MYO5C: variants seen among roughly 807,000 people sequenced by gnomAD.
The protein encoded by MYO5C is unconventional myosin-Vc.
In MYO5C, 194 loss-of-function variants were observed where a neutral mutation model predicts 235.7. The observed-to-expected ratio is 0.82, with a 90% CI of 0.73 to 0.93. MYO5C has a LOEUF of 0.93. Among genes scored for constraint, MYO5C ranks in the 40% least tolerant of loss-of-function variants. The pLI, the probability that MYO5C is intolerant of heterozygous loss-of-function variation, is 0.00. For missense variants in MYO5C, 2,038 were observed against 2,127.2 expected, an observed-to-expected ratio of 0.96 and a Z score of 0.82; for synonymous variants, 707 against 754.8, an observed-to-expected ratio of 0.94 and a Z score of 1.04.
At chr15:52,255,652 G>C (rs1054715420) in intron 11 of MYO5C, among the ~76,000 whole-genome samples, 4 of 152,170 alleles carry the variant, frequency 2.6e-5, no homozygotes, top group Admixed American at 2.6e-4. Context: ...GTACTGTTGG[G>C]AATTCAAAAG....
At chr15:52,220,070 G>T (rs367781333) in intron 30 of MYO5C, among the ~76,000 whole-genome samples, 2 of 152,292 alleles carry the variant, frequency 1.3e-5, no homozygotes. Context: ...TTACGAATTT[G>T]TATTGGGCCT....
At chr15:52,219,866 A>T in intron 30 of MYO5C, 44 bp from the exon 31 acceptor site, 1 of 1,452,172 alleles carries the variant, frequency 6.9e-7, no homozygotes, top group Non-Finnish European at 9.6e-7. Flanking sequence ...GGCACATATC[A>T]CTGCATTCTG....
chr15:52,274,675 C>CCT (rs1555420137), intron 5 of MYO5C, among the ~76,000 whole-genome samples: 2 of 148,268 alleles, frequency 1.3e-5, no homozygotes, highest in East Asian at 4.8e-4. Flanking sequence ...TTAGTACCCC[C>CCT]CCCCCGACAT....
chr15:52,246,052 G>A lies in MYO5C; in HGVS notation c.1980-10C>T. 6.2e-7 allele frequency: 1 copy of A among 1,611,918 alleles called. No homozygotes were observed. Among genetic ancestry groups the A allele is most frequent in the South Asian group, 1.1e-5 (1 of 90,890 alleles). ...TCTTTTGGAGTCAAATCTTTAAAAAGACAATGATATTATGTGTTGAGGCAT... is the reference window on the plus strand; with the variant it reads ...TCTTTTGGAGTCAAATCTTTAAAAAAACAATGATATTATGTGTTGAGGCAT... On this transcript the variant is annotated splice_polypyrimidine_tract_variant and intron_variant, in intron 16 of 40. Coordinates refer to ENST00000261839, the MANE Select transcript of MYO5C (RefSeq NM_018728.4).
At chr15:52,248,606 A>ACACTCT in intron 14 of MYO5C, 94 bp downstream of exon 14, 2 of 635,312 alleles carry the variant, frequency 3.1e-6, no homozygotes, top group African/African-American at 1.9e-5. Flanking sequence ...ACACACACAC[A>ACACTCT]CTCTCTCTCT....
intron 4 of MYO5C, chr15:52,277,727 C>T: frequency 2.5e-6 from 1 of 403,898 alleles, no homozygotes; most frequent in South Asian, 1.8e-5. Context: ...AGGATGACGG[C>T]CCCACCCCAG....
rs1168325128 is a variant in MYO5C, at chr15:52,213,306, A to G, written c.4043-20T>C. ...CATTGGCTGTAGACAGAGGCAAACA[A>G]TCAGCTAAATACACAAAAGCAGCTT... On this transcript the variant is annotated intron_variant, in intron 33 of 40. Coordinates refer to ENST00000261839, the MANE Select transcript of MYO5C (RefSeq NM_018728.4). The G allele has an allele frequency of 3.8e-6, 6 of 1,567,838 alleles. No individual in the cohort carries two copies. The highest frequency in any genetic ancestry group is 2.2e-5 in the South Asian group (2 of 90,044).
At chr15:52,247,096 T>A in intron 15 of MYO5C, 82 bp from the exon 16 acceptor site, 1 of 1,217,110 alleles carries the variant, frequency 8.2e-7, no homozygotes, top group Non-Finnish European at 1.2e-6. Context: ...CCAACCTTGT[T>A]AAGTTACTCA....
At chr15:52,231,402 C>G (rs1379728512) in intron 24 of MYO5C, among the ~76,000 whole-genome samples, 2 of 152,170 alleles carry the variant, frequency 1.3e-5, no homozygotes, top group Non-Finnish European at 2.9e-5. Flanking sequence ...CTGGCCTCAG[C>G]CTGGCTCTCC....
intron 4 of MYO5C, chr15:52,277,796 C>T (rs1449594108): frequency 2.2e-6 from 1 of 453,986 alleles, no homozygotes; most frequent in East Asian, 7.0e-5. Context: ...CGGTCTAGCC[C>T]CAGACTGCCC....
chr15:52,266,751 G>A (rs2036821235), intron 8 of MYO5C, among the ~76,000 whole-genome samples: 1 of 152,216 alleles, frequency 6.6e-6, no homozygotes, highest in Non-Finnish European at 1.5e-5. Context: ...CGTTCATGAG[G>A]CCATCTAGCT....
At chr15:52,228,843 A>G (rs1307580425) in intron 25 of MYO5C, among the ~76,000 whole-genome samples, 1 of 152,266 alleles carries the variant, frequency 6.6e-6, no homozygotes, top group Non-Finnish European at 1.5e-5. Context: ...ATAAGGATTC[A>G]CCTCAATTTA....
chr15:52,275,620 T>C lies in MYO5C; in HGVS notation c.548A>G (p.Lys183Arg). The C allele has an allele frequency of 1.2e-6, 2 of 1,614,222 alleles. No individual in the cohort carries two copies. The highest frequency in any genetic ancestry group is 1.1e-5 in the South Asian group (1 of 91,082). ...TTCCACGTGAGCGTTGCTGCCCGAT[T>C]TGCTGACGGTGGCAAAGTACCTCAT... ...YAMRYFATVS[K>R]SGSNAHVEDK... Residue 183 changes from lysine to arginine, a missense_variant, in exon 5 of 41, where the codon AAA becomes AGA. By Grantham distance (26) the Lys-to-Arg change is conservative. Coordinates refer to ENST00000261839, the MANE Select transcript of MYO5C (RefSeq NM_018728.4).
chr15:52,285,350 A>T (rs1304201839), intron 1 of MYO5C, among the ~76,000 whole-genome samples: 1 of 149,354 alleles, frequency 6.7e-6, no homozygotes, highest in Non-Finnish European at 1.5e-5. Flanking sequence ...CCTGGGAGAC[A>T]AGAGTGAAAC....
At chr15:52,216,979 T>A (rs1413953851) in intron 32 of MYO5C, among the ~76,000 whole-genome samples, 1 of 152,186 alleles carries the variant, frequency 6.6e-6, no homozygotes, top group East Asian at 1.9e-4. Context: ...GGGTTTTCCT[T>A]AGAGACTTCG....
At chr15:52,268,496 G>C (rs2036856549) in intron 8 of MYO5C, among the ~76,000 whole-genome samples, 1 of 152,148 alleles carries the variant, frequency 6.6e-6, no homozygotes, top group Admixed American at 6.5e-5. Context: ...CGGGGAGGCA[G>C]AGGTTGCGCC....
intron 21 of MYO5C, among the ~76,000 whole-genome samples, chr15:52,238,796 C>G (rs970977784): frequency 6.6e-6 from 1 of 151,622 alleles, no homozygotes; most frequent in African/African-American, 2.4e-5. Context: ...CGCCCGCCAC[C>G]ACGCCCGGCT....
At chr15:52,267,930 T>A (rs2036846558) in intron 8 of MYO5C, among the ~76,000 whole-genome samples, 1 of 152,038 alleles carries the variant, frequency 6.6e-6, no homozygotes, top group African/African-American at 2.4e-5. Flanking sequence ...CCAAGCCCCC[T>A]CTCCATGGAG....
intron 23 of MYO5C, among the ~76,000 whole-genome samples, chr15:52,233,028 CCAGCA>C (rs1267610246): frequency 7.3e-5 from 1 of 13,686 alleles, no homozygotes; most frequent in East Asian, 4.2e-4. Context: ...GCCTGTAATC[CCAGCA>C]CTTTGGGAGG....
Sources: gnomAD v4.1 joint callset for allele counts (sites outside exome capture counted in the v4.1 genomes callset) on GRCh38, gnomAD v4.1.1 for gene constraint, MANE v1.5 for transcripts, NCBI Gene and HGNC (gene_info 2026-07-23, HGNC 2026-07-21) for gene names.